TCF25: variants seen among roughly 807,000 people sequenced by gnomAD.
The protein encoded by TCF25 is ribosome quality control complex subunit TCF25.
TCF25 carries 41 observed loss-of-function variants against 83.1 expected under a neutral mutation model. The ratio of observed to expected loss-of-function variants is 0.49; its 90% CI spans 0.38 to 0.64. The LOEUF (loss-of-function observed/expected upper bound fraction) is 0.64. Among genes scored for constraint, TCF25 ranks in the 30% least tolerant of loss-of-function variants. The probability of loss-of-function intolerance (pLI) is 0.00; values close to 1 mark genes in which losing one functional copy is unlikely to be tolerated. For synonymous variants in TCF25, 458 were observed against 365.0 expected, an observed-to-expected ratio of 1.25 and a Z score of -2.90; for missense variants, 979 against 914.5, an observed-to-expected ratio of 1.07 and a Z score of -0.91.
intron 5 of TCF25, among the ~76,000 whole-genome samples, 195 bp from the exon 6 acceptor site, chr16:89,891,998 C>A (rs1417797369): frequency 6.6e-6 from 1 of 152,106 alleles, no homozygotes. Context: ...CTATGGGGCC[C>A]TCCCTGCTGC....
intron 16 of TCF25, chr16:89,909,379 C>T (rs1341075109): frequency 2.7e-5 from 9 of 328,710 alleles, no homozygotes; most frequent in African/African-American, 1.3e-4. Context: ...GGCGTGGTGC[C>T]GCACACCTGT....
chr16:89,876,345 G>A (rs192645662), intron 1 of TCF25, among the ~76,000 whole-genome samples: 2 of 152,334 alleles, frequency 1.3e-5, no homozygotes, highest in African/African-American at 2.4e-5. Context: ...ATAAACAGAA[G>A]TATGGGAGAC....
chr16:89,895,407 C>T (rs1475458040), intron 8 of TCF25, among the ~76,000 whole-genome samples: 1 of 152,110 alleles, frequency 6.6e-6, no homozygotes, highest in Non-Finnish European at 1.5e-5. Flanking sequence ...GGGGTTTCAC[C>T]GTGTTGGCCA....
At chr16:89,896,190 A>C (rs1026513020) in intron 9 of TCF25, 107 bp downstream of exon 9, 1 of 952,496 alleles carries the variant, frequency 1.0e-6, no homozygotes, top group African/African-American at 1.6e-5. Flanking sequence ...AGGGTGGACC[A>C]GGGCCCACAG....
chr16:89,901,147 C>T (rs572617835), intron 12 of TCF25: 34 of 206,338 alleles, frequency 1.6e-4, no homozygotes, highest in Admixed American at 2.5e-4. Context: ...GAGGTGTGGC[C>T]GAGAGGGTTG....
intron 7 of TCF25, 118 bp from the exon 8 acceptor site, chr16:89,894,920 C>A: frequency 1.3e-6 from 1 of 764,882 alleles, no homozygotes; most frequent in Non-Finnish European, 2.1e-6. Flanking sequence ...GGTGGGATTA[C>A]AGGCGTGAGC....
chr16:89,907,326 C>T lies in TCF25; in HGVS notation c.1799+4C>T, dbSNP rs768165069. ...ACTCCTACGTCAGGCCAGAGAGGTA[C>T]CTCCCTCCTTCCAGTTCCCACCTCC... On this transcript the variant is annotated splice_donor_region_variant and intron_variant, in intron 16 of 17. Coordinates refer to ENST00000263346, the MANE Select transcript of TCF25 (RefSeq NM_014972.3). 3.2e-5 allele frequency: 51 copies of T among 1,579,174 alleles called. No homozygotes were observed. Among genetic ancestry groups the T allele is most frequent in the Non-Finnish European group, 4.2e-5 (49 of 1,159,102 alleles).
At chr16:89,898,455 G>A (rs2044056661) in intron 9 of TCF25, 102 bp from the exon 10 acceptor site, 5 of 1,175,560 alleles carry the variant, frequency 4.3e-6, no homozygotes, top group Non-Finnish European at 5.0e-6. Context: ...TGGCCAGGAC[G>A]CTGAGCAGAG....
chr16:89,911,296 C>G lies in TCF25; in HGVS notation c.*58C>G. On this transcript the variant is annotated 3_prime_UTR_variant, in exon 18 of 18. Coordinates refer to ENST00000263346, the MANE Select transcript of TCF25 (RefSeq NM_014972.3). ...TGATGTTCCCGATTTCTCTGTTGGT[C>G]GGAGTCGGCCAGTTGCCTGAAGTAG... 1.9e-6 allele frequency: 3 copies of G among 1,594,690 alleles called. No individual in the cohort carries two copies. Among genetic ancestry groups the G allele is most frequent in the Non-Finnish European group, 2.6e-6 (3 of 1,167,208 alleles).
At chr16:89,904,065 A>C in intron 12 of TCF25, 53 bp from the exon 13 acceptor site, 7 of 1,554,940 alleles carry the variant, frequency 4.5e-6, no homozygotes, top group Non-Finnish European at 3.5e-6. Context: ...GGGGGCTAGG[A>C]GTGGCTGGGG....
chr16:89,904,664 T>G (rs1018530753), intron 13 of TCF25: 12 of 575,566 alleles, frequency 2.1e-5, no homozygotes, highest in Non-Finnish European at 3.5e-5. Context: ...GCTCGCCCTG[T>G]GTGCACGCAG....
chr16:89,886,071 C>T lies in TCF25; in HGVS notation c.548+105C>T, dbSNP rs574030563. The T allele has an allele frequency of 3.1e-5, 21 of 680,036 alleles. No individual in the cohort carries two copies. In the African/African-American group the frequency reaches 3.5e-4, roughly 11 times the overall value. 42.1% of individuals were successfully genotyped at this position (680,036 alleles called of 1,614,324 possible). The stretch of plus-strand genomic sequence containing the variant: ...TTCTCTGTGGCTGCCACAGAGACTT[C>T]GTGGGAGGAAAAGGTTCTCTAAAAA... On this transcript the variant is annotated intron_variant, in intron 4 of 17. Transcript: ENST00000263346.
intron 6 of TCF25, among the ~76,000 whole-genome samples, chr16:89,893,349 C>T (rs950495324): frequency 2.0e-5 from 3 of 152,202 alleles, no homozygotes; most frequent in Admixed American, 6.5e-5. Context: ...TCCACAGCCA[C>T]CCCGGACATT....
intron 15 of TCF25, among the ~76,000 whole-genome samples, chr16:89,906,923 C>T (rs1011982916): frequency 1.3e-5 from 2 of 152,096 alleles, no homozygotes; most frequent in African/African-American, 2.4e-5. Flanking sequence ...GAAGTGGGAG[C>T]TTCTGACACG....
intron 2 of TCF25, 28 bp downstream of exon 2, chr16:89,883,540 C>T: frequency 6.4e-7 from 1 of 1,568,324 alleles, no homozygotes; most frequent in Non-Finnish European, 8.6e-7. Context: ...GAGGAGGTGG[C>T]ATCAGACGGG....
At chr16:89,904,681 C>G (rs1309392448) in intron 13 of TCF25, 1 of 615,528 alleles carries the variant, frequency 1.6e-6, no homozygotes, top group East Asian at 3.0e-5. Context: ...GCAGATGGAC[C>G]CGCCCTGGGT....
chr16:89,891,707 T>G (rs1001378435), intron 5 of TCF25, among the ~76,000 whole-genome samples: 10 of 152,204 alleles, frequency 6.6e-5, no homozygotes, highest in African/African-American at 2.2e-4. Flanking sequence ...GTGATGGGCA[T>G]GTGGATATTA....
At chr16:89,904,646 C>A (rs760873591) in intron 13 of TCF25, 3 of 541,830 alleles carry the variant, frequency 5.5e-6, no homozygotes, top group Admixed American at 5.9e-5. Flanking sequence ...ATCCCCTGGC[C>A]CTCCAGGGCT....
At chr16:89,879,933 C>T (rs968986804) in intron 1 of TCF25, among the ~76,000 whole-genome samples, 18 of 151,806 alleles carry the variant, frequency 1.2e-4, no homozygotes, top group African/African-American at 3.9e-4. Flanking sequence ...AGACAGGCTC[C>T]TGGGCCTATC....
Sources: gnomAD v4.1 joint callset for allele counts (sites outside exome capture counted in the v4.1 genomes callset) on GRCh38, gnomAD v4.1.1 for gene constraint, MANE v1.5 for transcripts, NCBI Gene and HGNC (gene_info 2026-07-23, HGNC 2026-07-21) for gene names.